CCDC66: variants seen among roughly 807,000 people sequenced by gnomAD.
CCDC66 encodes the protein coiled-coil domain-containing protein 66.
In CCDC66, 133 loss-of-function variants were observed where a neutral mutation model predicts 128.3. The observed-to-expected ratio is 1.04, with a 90% confidence interval of 0.90 to 1.20. The LOEUF is 1.20. Among genes scored for constraint, CCDC66 ranks in the 50% most tolerant of loss-of-function variants. The probability of loss-of-function intolerance (pLI) is 0.00; values close to 1 mark genes in which losing one functional copy is unlikely to be tolerated. For synonymous variants in CCDC66, 387 were observed against 357.0 expected, an observed-to-expected ratio of 1.08 and a Z score of -0.95; for missense variants, 1,126 against 1,075.5, an observed-to-expected ratio of 1.05 and a Z score of -0.66.
At chr3:56,584,380 C>A (rs1317913771) in intron 7 of CCDC66, among the ~76,000 whole-genome samples, 2 of 145,956 alleles carry the variant, frequency 1.4e-5, no homozygotes, top group Admixed American at 6.9e-5. Flanking sequence ...TCAGACGGGG[C>A]GGCTGCCGGG....
chr3:56,585,205 A>G (rs1369732063), intron 7 of CCDC66, among the ~76,000 whole-genome samples: 1 of 151,836 alleles, frequency 6.6e-6, no homozygotes, highest in Non-Finnish European at 1.5e-5. Context: ...TTATCTACTC[A>G]TATCTTAAGG....
At chr3:56,561,929 C>T (rs182418949) in intron 3 of CCDC66, among the ~76,000 whole-genome samples, 7 of 152,202 alleles carry the variant, frequency 4.6e-5, no homozygotes, top group African/African-American at 1.7e-4. Context: ...ATTGTAATCT[C>T]CATAGTTTGT....
chr3:56,566,724 G>A lies in CCDC66; in HGVS notation c.675G>A (p.Gln225=). The change falls in exon 5 of 18, where the codon CAG becomes CAA. Residue 225 remains glutamine, a synonymous_variant. Transcript: ENST00000394672. ...ATAAATCTGTCTTAAATGAACATCA[G>A]GAGACATCTAAACAGTGTGAGCAAA... ...AENKSVLNEH[Q]ETSKQCEQKI... The A allele has an allele frequency of 1.9e-6, 3 of 1,613,670 alleles. No homozygotes were observed. The highest frequency in any genetic ancestry group is 2.5e-6 in the Non-Finnish European group (3 of 1,179,834).
chr3:56,596,941 G>A (rs1206755934), intron 10 of CCDC66, among the ~76,000 whole-genome samples: 3 of 113,212 alleles, frequency 2.6e-5, no homozygotes, highest in African/African-American at 9.8e-5. Context: ...TTTTTTTTTA[G>A]TACAGATGGG....
chr3:56,577,427 T>G (rs2107957919), intron 7 of CCDC66, among the ~76,000 whole-genome samples: 1 of 152,060 alleles, frequency 6.6e-6, no homozygotes, highest in South Asian at 2.1e-4. Context: ...TTTAGTTTAA[T>G]TAGATCCCAT....
intron 17 of CCDC66, chr3:56,621,200 A>ATT (rs1553718021): frequency 5.8e-6 from 1 of 173,252 alleles, no homozygotes; most frequent in Non-Finnish European, 1.2e-5. Context: ...AAAACACTGT[A>ATT]TGTTAAGGGA....
chr3:56,600,107 G>C (rs2072881283), intron 10 of CCDC66, among the ~76,000 whole-genome samples: 2 of 150,428 alleles, frequency 1.3e-5, no homozygotes, highest in Admixed American at 1.3e-4. Flanking sequence ...TTGGTTCCAA[G>C]TCTTTGCTGT....
chr3:56,594,093 A>G (rs2071415482), intron 10 of CCDC66, 65 bp downstream of exon 10: 9 of 1,407,096 alleles, frequency 6.4e-6, no homozygotes, highest in Non-Finnish European at 5.0e-6. Flanking sequence ...CATATACCTA[A>G]GTAAATGGAA....
rs762449909 is a variant in CCDC66, at chr3:56,617,205, C to T, written c.1937C>T (p.Ser646Leu). 4.6e-5 allele frequency: 74 copies of T among 1,613,246 alleles called. 1 individual carries two copies. In the Admixed American group the frequency reaches 5.2e-4, roughly 11 times the overall value. The change falls in exon 14 of 18, where the codon TCG becomes TTG. Residue 646 changes from serine (S) to leucine (L), a missense_variant. Physicochemically the swap from Ser to Leu is moderately radical, Grantham distance 145. Coordinates refer to ENST00000394672, the MANE Select transcript of CCDC66 (RefSeq NM_001141947.3). The part of the protein sequence containing the change: ...DITNCSSPEI[S>L]AELIGQFSTK... ...ACAAATTGTTCATCTCCTGAGATTT[C>T]GGCAGAACTTATTGGACAGTTTAGC...
rs2071414600 is a variant in CCDC66 at position 56,594,087 on chromosome 3, T to C, written c.1404+59T>C. 5 of 1,433,346 alleles carry C rather than the reference T, an allele frequency of 3.5e-6. No homozygotes were observed. In the South Asian group the frequency reaches 4.6e-5, roughly 13 times the overall value. The allele number at this position is 1,433,346 out of a possible 1,614,324, so 88.8% of individuals were successfully genotyped here. ...ATAAGTAACAGTCATGGTGAACATA[T>C]ACCTAAGTAAATGGAAATTTAAATT... On this transcript the variant is annotated intron_variant, in intron 10 of 17. Transcript: ENST00000394672.
chr3:56,617,662 TC>T, intron 14 of CCDC66, 57 bp downstream of exon 14: 1 of 1,536,014 alleles, frequency 6.5e-7, no homozygotes, highest in African/African-American at 1.4e-5. Flanking sequence ...AAACACAGTT[TC>T]TCATACGTAT....
At chr3:56,562,324 A>G (rs752634756) in intron 3 of CCDC66, among the ~76,000 whole-genome samples, 1 of 152,108 alleles carries the variant, frequency 6.6e-6, no homozygotes, top group Non-Finnish European at 1.5e-5. Flanking sequence ...TGCTAGGATT[A>G]TAGGTGTGAG....
intron 10 of CCDC66, among the ~76,000 whole-genome samples, chr3:56,605,908 T>C (rs967596594): frequency 6.6e-6 from 1 of 151,910 alleles, no homozygotes; most frequent in African/African-American, 2.4e-5. Flanking sequence ...CTCAGAGAGG[T>C]AGGGGTTTTA....
rs116644009 is a variant in CCDC66, at chr3:56,614,588, A to G, written c.1567-540A>G. Among the ~76,000 whole-genome samples the G allele has an allele frequency of 5.6e-3, 852 of 152,316 alleles. 12 individuals are homozygous for G. The highest frequency in any genetic ancestry group is 0.02 in the African/African-American group (818 of 41,560). ...ATGTATGGTGGTGGTACCATATTTG[A>G]GCTAACCTAACAAAAATACTCACTT... On this transcript the variant is annotated intron_variant, in intron 11 of 17. Transcript: ENST00000394672.
chr3:56,559,814 C>T (rs2064868318), intron 3 of CCDC66, among the ~76,000 whole-genome samples: 1 of 152,134 alleles, frequency 6.6e-6, no homozygotes, highest in Non-Finnish European at 1.5e-5. Context: ...AAGTGCTATT[C>T]AGTAAAGCAT....
chr3:56,569,337 A>T (rs925170397), intron 6 of CCDC66: 45 of 349,672 alleles, frequency 1.3e-4, no homozygotes, highest in African/African-American at 9.0e-4. Context: ...CAAGCATGGT[A>T]CCAGCATCTC....
intron 6 of CCDC66, chr3:56,569,612 A>T (rs1017405290): frequency 1.3e-5 from 2 of 152,734 alleles, no homozygotes; most frequent in South Asian, 2.1e-4. Context: ...TTTGAAGGGG[A>T]CAAATATCCA....
intron 6 of CCDC66, chr3:56,569,297 T>C: frequency 3.2e-6 from 1 of 315,024 alleles, no homozygotes. Flanking sequence ...ATAAAAGAGG[T>C]TTATTTGGCC....
intron 8 of CCDC66, among the ~76,000 whole-genome samples, 185 bp from the exon 9 acceptor site, chr3:56,593,306 A>C (rs114259873): frequency 0.019 from 2,951 of 152,254 alleles, 51 homozygotes; most frequent in Non-Finnish European, 0.03. Flanking sequence ...AATTCTTTGA[A>C]TTTCTCAAAT....
Sources: gnomAD v4.1 joint callset for allele counts (sites outside exome capture counted in the v4.1 genomes callset) on GRCh38, gnomAD v4.1.1 for gene constraint, MANE v1.5 for transcripts, NCBI Gene and HGNC (gene_info 2026-07-23, HGNC 2026-07-21) for gene names.